The following PRELID2 variants were observed in gnomAD, a reference collection of about 807,000 sequenced individuals.
PRELID2 encodes the protein PRELI domain-containing protein 2.
In PRELID2, 25 loss-of-function variants were observed where a neutral mutation model predicts 28.4. The observed-to-expected ratio is 0.88, with a 90% confidence interval of 0.64 to 1.23. PRELID2 has a LOEUF of 1.23. PRELID2 is among the 50% of genes most tolerant of loss of function. The pLI, the probability that PRELID2 is intolerant of heterozygous loss-of-function variation, is 0.00. For synonymous variants in PRELID2, 76 were observed against 71.6 expected, an observed-to-expected ratio of 1.06 and a Z score of -0.31; for missense variants, 201 against 214.4, an observed-to-expected ratio of 0.94 and a Z score of 0.39.
At chr5:145,827,090 A>T (rs1755243677) in intron 1 of PRELID2, among the ~76,000 whole-genome samples, 1 of 152,212 alleles carries the variant, frequency 6.6e-6, no homozygotes, top group Non-Finnish European at 1.5e-5. Context: ...CCTTCAAAGA[A>T]GGCAAAGAAG....
chr5:145,781,608 C>T (rs1330425637), intron 5 of PRELID2, among the ~76,000 whole-genome samples: 1 of 146,204 alleles, frequency 6.8e-6, no homozygotes, highest in Non-Finnish European at 1.5e-5. Context: ...TATCTATATA[C>T]ACACTATATA....
At chr5:145,697,036 T>TAG (rs1340595321) in intron 1 of PRELID2, among the ~76,000 whole-genome samples, 1 of 11,132 alleles carries the variant, frequency 9.0e-5, no homozygotes, top group Non-Finnish European at 2.3e-4. Flanking sequence ...AGGAAAATTA[T>TAG]ATATATATAT....
intron 1 of PRELID2, among the ~76,000 whole-genome samples, chr5:145,591,204 G>T (rs1407306575): frequency 6.6e-6 from 1 of 151,842 alleles, no homozygotes; most frequent in Non-Finnish European, 1.5e-5. Flanking sequence ...ACTGAGGTAG[G>T]AGGACTGCTT....
At chr5:145,743,354 T>C (rs1402004433) in intron 1 of PRELID2, among the ~76,000 whole-genome samples, 4 of 140,124 alleles carry the variant, frequency 2.9e-5, no homozygotes, top group Non-Finnish European at 6.0e-5. Context: ...GAGGCTGCAG[T>C]GAGCTAAGAT....
intron 1 of PRELID2, among the ~76,000 whole-genome samples, chr5:145,678,233 G>C (rs1754860214): frequency 6.6e-6 from 1 of 152,188 alleles, no homozygotes; most frequent in African/African-American, 2.4e-5. Flanking sequence ...GAAAGTATGA[G>C]TAAGATTTGG....
At chr5:145,672,040 A>G (rs1053937994) in intron 1 of PRELID2, among the ~76,000 whole-genome samples, 1 of 152,158 alleles carries the variant, frequency 6.6e-6, no homozygotes, top group Admixed American at 6.6e-5. Context: ...GACATACTCT[A>G]TTTTAAATGT....
At chr5:145,726,879 G>C (rs1400664548) in intron 1 of PRELID2, among the ~76,000 whole-genome samples, 1 of 152,164 alleles carries the variant, frequency 6.6e-6, no homozygotes, top group African/African-American at 2.4e-5. Flanking sequence ...AGCTCTTGAA[G>C]CTTCTGTCTG....
At chr5:145,395,455 C>T in the PRELID2 span, among the ~76,000 whole-genome samples, 55 of 152,182 alleles carry the variant, frequency 3.6e-4, no homozygotes, top group Non-Finnish European at 7.4e-4. Flanking sequence ...ACCTCCAAGT[C>T]CTCTTCAGAA....
chr5:145,613,031 T>C (rs991450606), intron 1 of PRELID2, among the ~76,000 whole-genome samples: 1 of 152,204 alleles, frequency 6.6e-6, no homozygotes, highest in East Asian at 1.9e-4. Context: ...GTTCTATTTT[T>C]AGTTCTTTTA....
At chr5:145,741,252 T>C (rs1204341134) in intron 1 of PRELID2, among the ~76,000 whole-genome samples, 5 of 112,392 alleles carry the variant, frequency 4.4e-5, no homozygotes, top group Non-Finnish European at 6.5e-5. Flanking sequence ...ATATATAATA[T>C]ATAAATAATA....
chr5:145,627,704 A>G (rs995557463), intron 1 of PRELID2, among the ~76,000 whole-genome samples: 3 of 152,176 alleles, frequency 2.0e-5, no homozygotes, highest in African/African-American at 7.2e-5. Context: ...TTTCTACTAC[A>G]TAACAACTCT....
At chr5:145,771,763 G>A (rs1758121916) in intron 5 of PRELID2, among the ~76,000 whole-genome samples, 1 of 152,076 alleles carries the variant, frequency 6.6e-6, no homozygotes, top group Admixed American at 6.6e-5. Flanking sequence ...GCTGAGGCAG[G>A]AGAATTGCTT....
At chr5:145,341,477 T>G in the PRELID2 span, among the ~76,000 whole-genome samples, 1 of 151,970 alleles carries the variant, frequency 6.6e-6, no homozygotes, top group Non-Finnish European at 1.5e-5. Flanking sequence ...GAGGTGGAGA[T>G]TGCAGTGAGC....
At chr5:145,408,789 C>T in the PRELID2 span, among the ~76,000 whole-genome samples, 5 of 152,020 alleles carry the variant, frequency 3.3e-5, no homozygotes, top group Admixed American at 3.3e-4. Context: ...CTTTGGAAAA[C>T]ATACTTGAGG....
intron 1 of PRELID2, among the ~76,000 whole-genome samples, chr5:145,633,050 C>T (rs1369100235): frequency 6.6e-6 from 1 of 152,154 alleles, no homozygotes; most frequent in Non-Finnish European, 1.5e-5. Flanking sequence ...AGACCTCAGT[C>T]CTACAGCTGA....
At chr5:145,289,273 G>A in the PRELID2 span, among the ~76,000 whole-genome samples, 1 of 152,124 alleles carries the variant, frequency 6.6e-6, no homozygotes, top group African/African-American at 2.4e-5. Flanking sequence ...AAAGTCTTCT[G>A]TACTCAATCT....
intron 1 of PRELID2, among the ~76,000 whole-genome samples, chr5:145,719,701 A>G (rs1755936689): frequency 6.6e-6 from 1 of 152,028 alleles, no homozygotes; most frequent in African/African-American, 2.4e-5. Context: ...CTACATTTAT[A>G]CAAACCTACC....
intron 1 of PRELID2, among the ~76,000 whole-genome samples, chr5:145,689,088 G>A (rs1351853106): frequency 6.6e-6 from 1 of 152,160 alleles, no homozygotes; most frequent in Non-Finnish European, 1.5e-5. Flanking sequence ...AAAGAGAAGA[G>A]GTTGGTATTA....
the PRELID2 span, among the ~76,000 whole-genome samples, chr5:145,271,238 T>G: frequency 6.6e-6 from 1 of 152,006 alleles, no homozygotes; most frequent in Non-Finnish European, 1.5e-5. Context: ...ATTCTACACT[T>G]ATATATATTT....
Sources: gnomAD v4.1 joint callset for allele counts (sites outside exome capture counted in the v4.1 genomes callset) on GRCh38, gnomAD v4.1.1 for gene constraint, MANE v1.5 for transcripts, NCBI Gene and HGNC (gene_info 2026-07-23, HGNC 2026-07-21) for gene names.